Variants in ENOX1 observed in about 807,000 individuals in gnomAD.
ENOX1 encodes the protein ecto-NOX disulfide-thiol exchanger 1.
ENOX1 carries 42 observed loss-of-function variants against 82.5 expected under a neutral mutation model. The ratio of observed to expected loss-of-function variants is 0.51; its 90% CI spans 0.40 to 0.66. The LOEUF (loss-of-function observed/expected upper bound fraction) is 0.66, where lower values mean the gene tolerates loss of function less well. ENOX1 is among the 30% of genes least tolerant of loss of function. ENOX1 has a pLI of 0.00. For missense variants in ENOX1, 608 were observed against 811.6 expected, an observed-to-expected ratio of 0.75 and a Z score of 3.05; for synonymous variants, 271 against 282.2, an observed-to-expected ratio of 0.96 and a Z score of 0.40.
At chr13:43,472,484 A>C (rs2058111466) in intron 3 of ENOX1, among the ~76,000 whole-genome samples, 1 of 152,160 alleles carries the variant, frequency 6.6e-6, no homozygotes, top group Admixed American at 6.5e-5. Flanking sequence ...TATTTCCTTG[A>C]CTTTCATTCC....
chr13:43,533,200 C>A (rs1359295962), intron 2 of ENOX1, among the ~76,000 whole-genome samples: 2 of 152,086 alleles, frequency 1.3e-5, no homozygotes, highest in African/African-American at 4.8e-5. Context: ...TTTGGAGCCA[C>A]AGTTCATGGT....
intron 3 of ENOX1, among the ~76,000 whole-genome samples, chr13:43,415,846 C>A (rs1358489523): frequency 6.9e-6 from 1 of 145,436 alleles, no homozygotes. Context: ...CGGGCAGAGA[C>A]GCTCCCCACT....
intron 15 of ENOX1, among the ~76,000 whole-genome samples, chr13:43,226,694 G>T (rs1593425252): frequency 6.6e-6 from 1 of 152,136 alleles, no homozygotes; most frequent in South Asian, 2.1e-4. Flanking sequence ...ACAGGGGAGG[G>T]AGAAGGAAGA....
At chr13:43,756,980 A>C (rs1402963716) in intron 1 of ENOX1, among the ~76,000 whole-genome samples, 16 of 148,010 alleles carry the variant, frequency 1.1e-4, no homozygotes, top group African/African-American at 3.5e-4. Context: ...AACAAAAAAA[A>C]AAAAAAAAAA....
chr13:43,396,747 T>C (rs1015752163), intron 5 of ENOX1, among the ~76,000 whole-genome samples: 1 of 152,210 alleles, frequency 6.6e-6, no homozygotes, highest in Non-Finnish European at 1.5e-5. Flanking sequence ...TGTTGCTTTA[T>C]TCCTTCCAGA....
At chr13:43,727,228 T>C (rs1458773060) in intron 1 of ENOX1, among the ~76,000 whole-genome samples, 1 of 152,142 alleles carries the variant, frequency 6.6e-6, no homozygotes, top group African/African-American at 2.4e-5. Flanking sequence ...TTTAAAACCA[T>C]CCTGCAGCTA....
intron 16 of ENOX1, among the ~76,000 whole-genome samples, chr13:43,221,585 G>A (rs1019172265): frequency 6.6e-5 from 10 of 152,134 alleles, no homozygotes; most frequent in African/African-American, 1.7e-4. Context: ...CAAGAGAACC[G>A]GGTGAATGAG....
At chr13:43,657,499 T>G (rs1000627428) in intron 2 of ENOX1, among the ~76,000 whole-genome samples, 3 of 152,168 alleles carry the variant, frequency 2.0e-5, no homozygotes, top group African/African-American at 7.2e-5. Context: ...AAAGGCATGG[T>G]CCTCATGGCT....
At chr13:43,415,521 C>T (rs947664495) in intron 3 of ENOX1, among the ~76,000 whole-genome samples, 4 of 152,082 alleles carry the variant, frequency 2.6e-5, no homozygotes, top group Non-Finnish European at 5.9e-5. Context: ...CCATTTAACC[C>T]TGAGTTGACA....
chr13:43,502,111 T>C (rs1403430428), intron 2 of ENOX1, among the ~76,000 whole-genome samples: 1 of 151,556 alleles, frequency 6.6e-6, no homozygotes, highest in Admixed American at 6.6e-5. Context: ...TACGAACACA[T>C]TGGATAACCT....
chr13:43,251,594 T>G (rs1420524506), intron 14 of ENOX1, among the ~76,000 whole-genome samples: 1 of 152,130 alleles, frequency 6.6e-6, no homozygotes. Flanking sequence ...TGGTGATTGA[T>G]TTGGACTGAT....
intron 2 of ENOX1, among the ~76,000 whole-genome samples, chr13:43,524,617 A>G (rs368679071): frequency 6.6e-6 from 1 of 151,766 alleles, no homozygotes; most frequent in South Asian, 2.1e-4. Flanking sequence ...CCTCCAATAC[A>G]CCAAGCACAT....
intron 12 of ENOX1, among the ~76,000 whole-genome samples, chr13:43,284,870 G>T (rs1193031612): frequency 6.6e-6 from 1 of 151,186 alleles, no homozygotes; most frequent in African/African-American, 2.4e-5. Context: ...AACAGAAAGC[G>T]CAAAAACTGG....
chr13:43,687,710 T>C (rs1263047843), intron 1 of ENOX1, among the ~76,000 whole-genome samples: 1 of 152,136 alleles, frequency 6.6e-6, no homozygotes, highest in Non-Finnish European at 1.5e-5. Flanking sequence ...CAAGACTCAG[T>C]ACATCCGTGG....
intron 16 of ENOX1, among the ~76,000 whole-genome samples, chr13:43,220,804 C>A (rs1183467701): frequency 6.6e-6 from 1 of 152,294 alleles, no homozygotes; most frequent in South Asian, 2.1e-4. Context: ...TGACAGGCTG[C>A]TCTTAAGGAG....
chr13:43,670,152 C>T (rs1300003242), intron 1 of ENOX1, among the ~76,000 whole-genome samples: 1 of 152,090 alleles, frequency 6.6e-6, no homozygotes, highest in Admixed American at 6.6e-5. Context: ...CACAAAGAGC[C>T]TCATTTAATG....
intron 2 of ENOX1, among the ~76,000 whole-genome samples, chr13:43,635,613 G>A (rs940008525): frequency 6.6e-6 from 1 of 152,166 alleles, no homozygotes; most frequent in Non-Finnish European, 1.5e-5. Flanking sequence ...CATGTGAGAA[G>A]TGAGAATGTC....
intron 11 of ENOX1, among the ~76,000 whole-genome samples, chr13:43,314,628 G>A (rs1033225114): frequency 2.6e-5 from 4 of 152,240 alleles, no homozygotes; most frequent in Admixed American, 6.5e-5. Flanking sequence ...GCTGGTAACA[G>A]TGTATGTTTT....
At chr13:43,516,811 T>C (rs1484941149) in intron 2 of ENOX1, among the ~76,000 whole-genome samples, 1 of 152,138 alleles carries the variant, frequency 6.6e-6, no homozygotes, top group African/African-American at 2.4e-5. Flanking sequence ...ATTAAATTCC[T>C]CAAACAAAGC....
Sources: gnomAD v4.1 joint callset for allele counts (sites outside exome capture counted in the v4.1 genomes callset) on GRCh38, gnomAD v4.1.1 for gene constraint, MANE v1.5 for transcripts, NCBI Gene and HGNC (gene_info 2026-07-23, HGNC 2026-07-21) for gene names.